The following CNOT10 variants were observed in gnomAD, a reference collection of about 807,000 sequenced individuals.
CNOT10 encodes CCR4-NOT transcription complex subunit 10.
A neutral mutation model predicts 94.6 loss-of-function variants in CNOT10; 30 were observed. That is an observed-to-expected ratio of 0.32 (90% CI 0.24 to 0.43). CNOT10 has a LOEUF of 0.43. Among genes scored for constraint, CNOT10 ranks in the 20% least tolerant of loss-of-function variants. The pLI, the probability that CNOT10 is intolerant of heterozygous loss-of-function variation, is 1.00. For synonymous variants in CNOT10, 289 were observed against 301.6 expected, an observed-to-expected ratio of 0.96 and a Z score of 0.43; for missense variants, 759 against 877.2, an observed-to-expected ratio of 0.87 and a Z score of 1.70.
rs183993592 is a variant in CNOT10, at chr3:32,739,148, C to T, written c.1595+1658C>T. Among the ~76,000 whole-genome samples the T allele has an allele frequency of 2.6e-5, 4 of 152,238 alleles. No individual in the cohort carries two copies. The East Asian group carries it at 5.8e-4, about 22-fold the overall frequency. On this transcript the variant is annotated intron_variant, in intron 13 of 18. Transcript: ENST00000328834. The stretch of plus-strand genomic sequence containing the variant: ...CTCGAACTCCTGACCTCAGGTGATC[C>T]ACCCGCCTCAGCCTCCCAAAGTTTT...
chr3:32,730,966 T>C (rs2125573324), intron 10 of CNOT10: 1 of 152,346 alleles, frequency 6.6e-6, no homozygotes, highest in East Asian at 1.9e-4. Flanking sequence ...CTACGTTTTT[T>C]AGTTCCATTC....
At chr3:32,738,964 G>C (rs948939129) in intron 13 of CNOT10, among the ~76,000 whole-genome samples, 1 of 150,348 alleles carries the variant, frequency 6.7e-6, no homozygotes, top group Non-Finnish European at 1.5e-5. Context: ...GAGTGCAGTG[G>C]TATGATCTCG....
rs1232612216 is a variant in CNOT10 at position 32,695,966 on chromosome 3, AGAGTGTGTGTGTGT to A, written c.23-7900_23-7887del. ...GAAAATAAAAATAATCCTGTTGAAG[AGAGTGTGTGTGTGT>A]GTGTGTGTGTGTGTGTGTGTGTGTG... On this transcript the variant is annotated intron_variant, in intron 1 of 18. Transcript: ENST00000328834. 3,146 of 615,634 alleles carry A rather than the reference AGAGTGTGTGTGTGT, an allele frequency of 5.1e-3. 42 individuals are homozygous for A. The highest frequency in any genetic ancestry group is 0.037 in the African/African-American group (1,630 of 44,098). The allele number at this position is 615,634 out of a possible 1,614,324, so 38.1% of individuals were successfully genotyped here.
chr3:32,758,340 T>C (rs760577487), intron 13 of CNOT10, among the ~76,000 whole-genome samples: 2 of 152,178 alleles, frequency 1.3e-5, no homozygotes, highest in Non-Finnish European at 2.9e-5. Context: ...GCTGCCTTTC[T>C]AAGATTCTAG....
At chr3:32,739,711 G>A (rs942022402) in intron 13 of CNOT10, among the ~76,000 whole-genome samples, 1 of 152,056 alleles carries the variant, frequency 6.6e-6, no homozygotes, top group Non-Finnish European at 1.5e-5. Flanking sequence ...GATCAGCTGA[G>A]GTCAGGAGTT....
intron 1 of CNOT10, among the ~76,000 whole-genome samples, chr3:32,691,905 A>T (rs577855198): frequency 1.3e-5 from 2 of 151,782 alleles, no homozygotes; most frequent in Non-Finnish European, 2.9e-5. Context: ...AAAATGTAAA[A>T]AATTAGTGGT....
intron 10 of CNOT10, among the ~76,000 whole-genome samples, chr3:32,732,613 A>T (rs566588838): frequency 1.4e-4 from 22 of 151,808 alleles, no homozygotes; most frequent in African/African-American, 5.1e-4. Context: ...AAGGAAAAAA[A>T]AAAAGGTAGA....
At chr3:32,701,443 A>C (rs181983457) in intron 1 of CNOT10, among the ~76,000 whole-genome samples, 55 of 152,278 alleles carry the variant, frequency 3.6e-4, no homozygotes, top group Middle Eastern at 3.4e-3. Flanking sequence ...TGACCTAATG[A>C]TATCGTGTAG....
chr3:32,754,003 G>C, intron 13 of CNOT10: 1 of 576,968 alleles, frequency 1.7e-6, no homozygotes, highest in South Asian at 2.3e-5. Context: ...AGGCCACCAA[G>C]GCAGGAGAAT....
At chr3:32,726,448 A>G (rs1475295271) in intron 9 of CNOT10, among the ~76,000 whole-genome samples, 1 of 152,046 alleles carries the variant, frequency 6.6e-6, no homozygotes, top group African/African-American at 2.4e-5. Flanking sequence ...TAATCCCAGC[A>G]CTTAGGGAGG....
At chr3:32,736,941 A>T (rs978721866) in intron 12 of CNOT10, among the ~76,000 whole-genome samples, 2 of 152,130 alleles carry the variant, frequency 1.3e-5, no homozygotes, top group Non-Finnish European at 2.9e-5. Flanking sequence ...CTAATATACA[A>T]TATAGCTTTA....
At chr3:32,737,900 G>A (rs1422445571) in intron 13 of CNOT10, among the ~76,000 whole-genome samples, 1 of 152,010 alleles carries the variant, frequency 6.6e-6, no homozygotes, top group African/African-American at 2.4e-5. Flanking sequence ...TCAATCTTGT[G>A]ATAAACCCTA....
At chr3:32,738,025 T>G (rs1226647081) in intron 13 of CNOT10, among the ~76,000 whole-genome samples, 1 of 152,208 alleles carries the variant, frequency 6.6e-6, no homozygotes, top group African/African-American at 2.4e-5. Flanking sequence ...TTTTCTTTCC[T>G]AGAAATGATT....
intron 4 of CNOT10, among the ~76,000 whole-genome samples, chr3:32,709,671 T>C (rs1051546545): frequency 5.3e-5 from 8 of 151,932 alleles, no homozygotes; most frequent in African/African-American, 1.9e-4. Flanking sequence ...GCTTGGTAGC[T>C]GGACAGACTG....
chr3:32,766,736 A>G (rs184951154), intron 17 of CNOT10, among the ~76,000 whole-genome samples: 2 of 152,258 alleles, frequency 1.3e-5, no homozygotes, highest in Non-Finnish European at 1.5e-5. Context: ...TATAACTAAA[A>G]TAAACCTCTG....
intron 18 of CNOT10, among the ~76,000 whole-genome samples, chr3:32,771,630 A>G (rs1700912679): frequency 6.6e-6 from 1 of 152,046 alleles, no homozygotes; most frequent in Non-Finnish European, 1.5e-5. Context: ...ACCTATATCT[A>G]TCTAGATAGA....
At chr3:32,718,258 C>CT (rs376879885) in intron 7 of CNOT10, among the ~76,000 whole-genome samples, 3,677 of 116,996 alleles carry the variant, frequency 0.031, 89 homozygotes, top group Middle Eastern at 0.091. Flanking sequence ...CATTATCAAA[C>CT]TTTTTTTTTT....
chr3:32,685,265 G>A lies in CNOT10; in HGVS notation c.-196G>A. On this transcript the variant is annotated 5_prime_UTR_variant, in exon 1 of 19. Transcript: ENST00000328834. ...GCGGTCCCTTGGTGGGGAAGCTGTTGCTGTTGCTAGACGACGGGAACTAGC... is the reference window on the plus strand; with the variant it reads ...GCGGTCCCTTGGTGGGGAAGCTGTTACTGTTGCTAGACGACGGGAACTAGC... The A allele has an allele frequency of 8.8e-6, 5 of 570,698 alleles. No individual in the cohort carries two copies. The highest frequency in any genetic ancestry group is 8.2e-5 in the South Asian group (4 of 48,900). 35.4% of individuals were successfully genotyped at this position (570,698 alleles called of 1,614,324 possible).
At chr3:32,722,633 A>G (rs567959668) in intron 8 of CNOT10, among the ~76,000 whole-genome samples, 112 of 152,270 alleles carry the variant, frequency 7.4e-4, no homozygotes, top group Non-Finnish European at 1.3e-3. Flanking sequence ...TGATCATGCC[A>G]CTGCACTCCA....
Sources: gnomAD v4.1 joint callset for allele counts (sites outside exome capture counted in the v4.1 genomes callset) on GRCh38, gnomAD v4.1.1 for gene constraint, MANE v1.5 for transcripts, NCBI Gene and HGNC (gene_info 2026-07-23, HGNC 2026-07-21) for gene names.